Variants in ADAM12 observed in about 807,000 individuals in gnomAD.
ADAM12 encodes the protein ADAM metallopeptidase domain 12, also known as disintegrin and metalloproteinase domain-containing protein 12.
ADAM12 carries 70 observed loss-of-function variants against 106.4 expected under a neutral mutation model. The observed-to-expected ratio is 0.66, with a 90% CI of 0.54 to 0.80. The LOEUF (loss-of-function observed/expected upper bound fraction) is 0.80, where lower values mean the gene tolerates loss of function less well. Among genes scored for constraint, ADAM12 ranks in the 30% least tolerant of loss-of-function variants. ADAM12 has a pLI of 0.00. For missense variants in ADAM12, 1,010 were observed against 1,171.9 expected, an observed-to-expected ratio of 0.86 and a Z score of 2.02; for synonymous variants, 420 against 433.5, an observed-to-expected ratio of 0.97 and a Z score of 0.39.
chr10:126,141,259 C>A (rs1368371449), intron 4 of ADAM12, among the ~76,000 whole-genome samples: 1 of 152,228 alleles, frequency 6.6e-6, no homozygotes, highest in Non-Finnish European at 1.5e-5. Flanking sequence ...CTGTTCCTCT[C>A]TCTGATTGCC....
At chr10:126,122,308 T>C (rs1956130032) in intron 5 of ADAM12, among the ~76,000 whole-genome samples, 2 of 152,200 alleles carry the variant, frequency 1.3e-5, no homozygotes, top group African/African-American at 4.8e-5. Context: ...AAACAGATCA[T>C]TCAGGGATTA....
chr10:126,030,338 G>A (rs1953951434), intron 21 of ADAM12, among the ~76,000 whole-genome samples: 1 of 152,168 alleles, frequency 6.6e-6, no homozygotes, highest in Non-Finnish European at 1.5e-5. Context: ...TAGCAGAGAG[G>A]TGGGTGGGGG....
chr10:126,097,845 A>G (rs536331304), intron 10 of ADAM12, among the ~76,000 whole-genome samples: 2 of 152,348 alleles, frequency 1.3e-5, no homozygotes, highest in South Asian at 4.1e-4. Context: ...TCACAAACAT[A>G]TATAGCTTAT....
intron 3 of ADAM12, among the ~76,000 whole-genome samples, chr10:126,263,488 T>C (rs937713880): frequency 1.3e-4 from 20 of 149,920 alleles, no homozygotes; most frequent in East Asian, 5.9e-4. Context: ...TTGTTTGTTT[T>C]AAGTAAAGCA....
chr10:126,263,991 C>T (rs1182445771), intron 3 of ADAM12, among the ~76,000 whole-genome samples: 1 of 152,138 alleles, frequency 6.6e-6, no homozygotes, highest in African/African-American at 2.4e-5. Flanking sequence ...GAATTTTAAA[C>T]ATATTTATTG....
chr10:126,329,369 C>T (rs747016158), intron 2 of ADAM12, among the ~76,000 whole-genome samples: 11 of 152,078 alleles, frequency 7.2e-5, no homozygotes, highest in East Asian at 1.9e-4. Context: ...TTCTTTATAA[C>T]GAAAGCCCAC....
chr10:126,377,469 T>A (rs555510593), intron 1 of ADAM12, among the ~76,000 whole-genome samples: 2 of 152,236 alleles, frequency 1.3e-5, no homozygotes, highest in African/African-American at 4.8e-5. Context: ...TTCACATTTT[T>A]TTTTTCTGCC....
rs569921404 is a variant in ADAM12, at chr10:126,250,190, G to GTA, written c.260+28723_260+28724dup. 1.6e-4 allele frequency among the ~76,000 whole-genome samples: 24 copies of GTA among 152,246 alleles called. No homozygotes were observed. The South Asian group carries it at 5.0e-3, about 32-fold the overall frequency. Reference sequence around the variant, plus strand: ...TTTCTTCCCCCAGCATAATCCCAGAGTATATAAACAGGGACTCAAGGACTC... The same window carrying GTA: ...TTTCTTCCCCCAGCATAATCCCAGAGTATATATAAACAGGGACTCAAGGACTC... On this transcript the variant is annotated intron_variant, in intron 3 of 22. Coordinates refer to ENST00000448723, the MANE Select transcript of ADAM12 (RefSeq NM_001288973.2).
chr10:126,123,129 C>T (rs1359426155), intron 5 of ADAM12, among the ~76,000 whole-genome samples: 1 of 152,136 alleles, frequency 6.6e-6, no homozygotes, highest in African/African-American at 2.4e-5. Context: ...TAAATAATTG[C>T]TTTGGACTGT....
rs150798235 is a variant in ADAM12 at position 126,036,323 on chromosome 10, G to C, written c.2352C>G (p.Asp784Glu). ...RKPPDSYPPKDNPRRLLQCQN... is the reference protein window; with the variant it reads ...RKPPDSYPPKENPRRLLQCQN... Reference sequence around the variant, plus strand: ...GACACTGCAGCAATCTCCTGGGATTGTCCTGTACAGTCAAAGTAAAAAGCC... The same window carrying C: ...GACACTGCAGCAATCTCCTGGGATTCTCCTGTACAGTCAAAGTAAAAAGCC... The change falls in exon 21 of 23, where the codon GAC becomes GAG. Residue 784 changes from aspartate to glutamate, a missense_variant and splice_region_variant. By Grantham distance (45) the Asp-to-Glu change is conservative (BLOSUM62 2). Coordinates refer to ENST00000448723, the MANE Select transcript of ADAM12 (RefSeq NM_001288973.2). 82 of 1,568,160 alleles carry C rather than the reference G, an allele frequency of 5.2e-5. No individual in the cohort carries two copies. The African/African-American group carries it at 7.5e-4, about 14-fold the overall frequency.
chr10:126,108,622 A>G lies in ADAM12; in HGVS notation c.712T>C (p.Leu238=), dbSNP rs993411634. Residue 238 remains leucine (L), a synonymous_variant, in exon 8 of 23, where the codon TTA becomes CTA. Coordinates refer to ENST00000448723, the MANE Select transcript of ADAM12 (RefSeq NM_001288973.2). The part of the protein sequence containing the change: ...GKDLEKVKQR[L]IEIANHVDKF... ...TCAACGTGATTAGCAATCTCTATTA[A>G]TCGCTGCTTAACTTTTTCCAGATCT... is the stretch of plus-strand genomic sequence containing the variant. 9 of 1,614,024 alleles carry G rather than the reference A, an allele frequency of 5.6e-6. No homozygotes were observed. Among genetic ancestry groups the G allele is most frequent in the Middle Eastern group, 1.6e-4 (1 of 6,084 alleles).
intron 5 of ADAM12, among the ~76,000 whole-genome samples, chr10:126,132,001 G>T (rs1278322): frequency 0.54 from 80,983 of 148,742 alleles, 22,256 homozygotes; most frequent in Non-Finnish European, 0.59. Context: ...TTTTTAGTTG[G>T]AGTCTTACTC....
chr10:126,066,645 G>A lies in ADAM12; in HGVS notation c.1413+72C>T. 1 of 1,432,044 alleles carries A rather than the reference G, an allele frequency of 7.0e-7. No individual in the cohort carries two copies. The highest frequency in any genetic ancestry group is 9.8e-7 in the Non-Finnish European group (1 of 1,016,312). 88.7% of individuals were successfully genotyped at this position (1,432,044 alleles called of 1,614,324 possible). A position where few individuals can be genotyped will look rare whatever the true frequency, so the allele number is the denominator to read the frequency against. Reference sequence around the variant, plus strand: ...GGGAAACCTTCCAGCCACACTGCTTGCCCTGCATCAGATCTGAACCACCTG... The same window carrying A: ...GGGAAACCTTCCAGCCACACTGCTTACCCTGCATCAGATCTGAACCACCTG... On this transcript the variant is annotated intron_variant, in intron 13 of 22. Transcript: ENST00000448723. This position sits in a 1 kb window ranked among gnomAD's most constrained non-coding sequence, Gnocchi z 5.1.
intron 3 of ADAM12, among the ~76,000 whole-genome samples, chr10:126,214,233 T>C (rs1267964809): frequency 3.3e-5 from 5 of 152,190 alleles, no homozygotes; most frequent in Non-Finnish European, 7.3e-5. Flanking sequence ...AGATGCAGAA[T>C]GACAAGGATT....
At chr10:126,117,898 C>T (rs1347252053) in intron 6 of ADAM12, 140 bp downstream of exon 6, 16 of 883,172 alleles carry the variant, frequency 1.8e-5, no homozygotes, top group African/African-American at 1.3e-4. Context: ...ATGTCTACCA[C>T]CTCCAGATAA....
chr10:126,098,354 AAGT>A, intron 10 of ADAM12, 59 bp downstream of exon 10: 1 of 1,361,874 alleles, frequency 7.3e-7, no homozygotes, highest in Non-Finnish European at 1.0e-6. Context: ...AGTCTGATAA[AAGT>A]AGTGACTTCC....
intron 2 of ADAM12, among the ~76,000 whole-genome samples, chr10:126,302,770 T>C (rs989061242): frequency 6.6e-6 from 1 of 152,230 alleles, no homozygotes. Context: ...GGAAAAGGTT[T>C]TGGAAATAGG....
chr10:126,045,288 C>T (rs1954285682), intron 17 of ADAM12, among the ~76,000 whole-genome samples: 1 of 152,168 alleles, frequency 6.6e-6, no homozygotes, highest in African/African-American at 2.4e-5. Context: ...AGTTAGCTAA[C>T]CTTACCGTCA....
intron 4 of ADAM12, among the ~76,000 whole-genome samples, chr10:126,149,984 C>T (rs1238176835): frequency 6.6e-6 from 1 of 152,302 alleles, no homozygotes; most frequent in Admixed American, 6.5e-5. Context: ...CTGACTAATA[C>T]TAATACAGAT....
Sources: allele counts gnomAD v4.1 joint callset (sites outside exome capture counted in the v4.1 genomes callset), GRCh38; gene constraint gnomAD v4.1.1; non-coding constraint Gnocchi (gnomAD v3.1); transcripts MANE v1.5; gene names NCBI Gene and HGNC (gene_info 2026-07-23, HGNC 2026-07-21).